MCM9: variants seen among roughly 807,000 people sequenced by gnomAD.
MCM9 encodes the protein minichromosome maintenance 9 homologous recombination repair factor.
Under a neutral mutation model 72.8 loss-of-function variants are expected in MCM9, and 55 were observed. That is an observed-to-expected ratio of 0.76 (90% CI 0.61 to 0.95). The LOEUF is 0.95. MCM9 is among the 40% of genes least tolerant of loss of function. The pLI is 0.00. For synonymous variants in MCM9, 480 were observed against 503.4 expected, an observed-to-expected ratio of 0.95 and a Z score of 0.62; for missense variants, 1,279 against 1,377.0, an observed-to-expected ratio of 0.93 and a Z score of 1.13.
chr6:118,913,492 C>G, intron 6 of MCM9, 72 bp from the exon 7 acceptor site: 1 of 1,578,952 alleles, frequency 6.3e-7, no homozygotes, highest in Non-Finnish European at 8.6e-7. Flanking sequence ...CCCTTCCTTT[C>G]CTATCTGACC....
intron 9 of MCM9, 26 bp from the exon 10 acceptor site, chr6:118,829,276 CTGAT>C (rs1310867506): frequency 6.6e-7 from 1 of 1,525,376 alleles, no homozygotes; most frequent in Non-Finnish European, 8.9e-7. Flanking sequence ...GTACAATTCA[CTGAT>C]TGTGAGGTTC....
chr6:118,815,292 A>G lies in MCM9; in HGVS notation c.2964T>C (p.Gly988=). ...GCTGCTGCGACACCTCCTTTGTCTCACCCTGTGGCTGACTGGAGATCTGGT... is the reference window on the plus strand; with the variant it reads ...GCTGCTGCGACACCTCCTTTGTCTCGCCCTGTGGCTGACTGGAGATCTGGT... ...PGNQISSQPQ[G]ETKEVSQQPP... The change falls in exon 14 of 14, where the codon GGT becomes GGC. Residue 988 remains glycine (G), a synonymous_variant. Transcript: ENST00000619706. 1 of 1,550,254 alleles carries G rather than the reference A, an allele frequency of 6.5e-7. No individual in the cohort carries two copies. Among genetic ancestry groups the G allele is most frequent in the Non-Finnish European group, 8.7e-7 (1 of 1,146,858 alleles).
At chr6:118,890,648 AATT>A (rs1778883327) in intron 8 of MCM9, among the ~76,000 whole-genome samples, 1 of 152,206 alleles carries the variant, frequency 6.6e-6, no homozygotes. Context: ...GTATGTAATG[AATT>A]ATTATTGAAA....
At chr6:118,917,322 T>A (rs1228739500) in intron 6 of MCM9, among the ~76,000 whole-genome samples, 1 of 152,194 alleles carries the variant, frequency 6.6e-6, no homozygotes, top group Non-Finnish European at 1.5e-5. Context: ...TTTGGCAGTG[T>A]ATAAGGTGTT....
chr6:118,909,482 A>ATAAG (rs1562433955), intron 8 of MCM9, among the ~76,000 whole-genome samples: 1 of 152,234 alleles, frequency 6.6e-6, no homozygotes, highest in Non-Finnish European at 1.5e-5. Flanking sequence ...ACTGTAGCAC[A>ATAAG]TAAGTTTTTT....
At chr6:118,856,269 A>C in intron 9 of MCM9, 102 bp downstream of exon 9, 1 of 1,199,716 alleles carries the variant, frequency 8.3e-7, no homozygotes. Context: ...GATCATCCCA[A>C]AGAGGACCAA....
At chr6:118,838,018 T>C (rs771012764) in intron 9 of MCM9, among the ~76,000 whole-genome samples, 4 of 152,194 alleles carry the variant, frequency 2.6e-5, no homozygotes, top group Non-Finnish European at 4.4e-5. Context: ...TTTCCATATG[T>C]AGTGCTTCCT....
At chr6:118,875,203 C>T (rs2114347262) in intron 8 of MCM9, among the ~76,000 whole-genome samples, 1 of 152,246 alleles carries the variant, frequency 6.6e-6, no homozygotes, top group East Asian at 1.9e-4. Context: ...ACAAGATTTA[C>T]AAGAGGAAAA....
chr6:118,872,799 A>C lies in MCM9; in HGVS notation c.1151-16254T>G, dbSNP rs150197260. On this transcript the variant is annotated intron_variant, in intron 8 of 13. Transcript: ENST00000619706. The stretch of plus-strand genomic sequence containing the variant: ...AATCAATAATCTAAGTTCTCATCTT[A>C]GGGAAAAAAAGGAAGGCCAAATGAA... 1.3e-3 allele frequency among the ~76,000 whole-genome samples: 196 copies of C among 152,204 alleles called. 3 individuals carry two copies. In the East Asian group the frequency reaches 0.029, roughly 23 times the overall value.
At chr6:118,840,727 T>C (rs1775299911) in intron 9 of MCM9, among the ~76,000 whole-genome samples, 1 of 137,476 alleles carries the variant, frequency 7.3e-6, no homozygotes, top group Middle Eastern at 3.5e-3. Flanking sequence ...ACATATATTC[T>C]CTCCTCCCCC....
intron 8 of MCM9, among the ~76,000 whole-genome samples, chr6:118,890,006 C>T (rs935202209): frequency 1.3e-5 from 2 of 152,166 alleles, no homozygotes; most frequent in African/African-American, 4.8e-5. Context: ...AGGATGCATT[C>T]CAGGATGTGT....
At chr6:118,888,072 A>G (rs996767888) in intron 8 of MCM9, among the ~76,000 whole-genome samples, 2 of 152,248 alleles carry the variant, frequency 1.3e-5, no homozygotes, top group Non-Finnish European at 2.9e-5. Context: ...CAAAACCACA[A>G]TGAGATACTA....
At chr6:118,897,418 T>C (rs776663356) in intron 8 of MCM9, among the ~76,000 whole-genome samples, 13 of 152,102 alleles carry the variant, frequency 8.5e-5, no homozygotes, top group Admixed American at 2.0e-4. Context: ...CAAGTTTTGA[T>C]TGACCATCCT....
intron 8 of MCM9, among the ~76,000 whole-genome samples, chr6:118,888,912 C>T (rs540845302): frequency 1.3e-5 from 2 of 152,114 alleles, no homozygotes; most frequent in Admixed American, 6.5e-5. Context: ...TGCTTGCCTA[C>T]TGCTTGGGGG....
intron 13 of MCM9, among the ~76,000 whole-genome samples, chr6:118,819,326 C>T (rs574468243): frequency 1.7e-3 from 258 of 152,072 alleles, no homozygotes; most frequent in African/African-American, 5.7e-3. Flanking sequence ...GTTTTTAGCA[C>T]GAAGGGGTGT....
intron 10 of MCM9, among the ~76,000 whole-genome samples, chr6:118,828,686 G>A (rs1774332313): frequency 6.6e-6 from 1 of 152,152 alleles, no homozygotes; most frequent in Non-Finnish European, 1.5e-5. Context: ...CGCCCGGCCT[G>A]AGTAAATCTG....
chr6:118,875,867 A>G (rs1000056820), intron 8 of MCM9, among the ~76,000 whole-genome samples: 1 of 152,140 alleles, frequency 6.6e-6, no homozygotes, highest in African/African-American at 2.4e-5. Flanking sequence ...ACAACCCAGC[A>G]GCTGTGCTCC....
Position 118,931,686 on chromosome 6 carries a change from A to C in MCM9, c.38T>G (p.Phe13Cys). The C allele has an allele frequency of 2.5e-6, 4 of 1,614,076 alleles. No individual in the cohort carries two copies. Among genetic ancestry groups the C allele is most frequent in the Non-Finnish European group, 3.4e-6 (4 of 1,179,998 alleles). Residue 13 changes from phenylalanine (F) to cysteine (C), a missense_variant, in exon 3 of 14, where the codon TTT becomes TGT. By Grantham distance (205) the Phe-to-Cys change is radical. Coordinates refer to ENST00000619706, the MANE Select transcript of MCM9 (RefSeq NM_017696.3). The part of the protein sequence containing the change: ...SDQVTLVGQV[F>C]ESYVSEYHKN... ...ATGGTATTCCGAAACATATGACTCA[A>C]ACACTTGACCAACCAGTGTAACTTG...
chr6:118,917,452 T>G, intron 6 of MCM9, 109 bp downstream of exon 6: 1 of 1,085,972 alleles, frequency 9.2e-7, no homozygotes, highest in Non-Finnish European at 1.4e-6. Context: ...CCCTTTAAAC[T>G]CAGTCATTGA....
Sources: gnomAD v4.1 joint callset for allele counts (sites outside exome capture counted in the v4.1 genomes callset) on GRCh38, gnomAD v4.1.1 for gene constraint, MANE v1.5 for transcripts, NCBI Gene and HGNC (gene_info 2026-07-23, HGNC 2026-07-21) for gene names.